The following BRCC3 variants were observed in gnomAD, a reference collection of about 807,000 sequenced individuals.
The protein encoded by BRCC3 is lys-63-specific deubiquitinase BRCC36.
Under a neutral mutation model 28.0 loss-of-function variants are expected in BRCC3, and 15 were observed. The ratio of observed to expected loss-of-function variants is 0.54; its 90% CI spans 0.36 to 0.82. The LOEUF (loss-of-function observed/expected upper bound fraction) is 0.82, where lower values mean the gene tolerates loss of function less well. BRCC3 is among the 40% of genes least tolerant of loss of function. The pLI, the probability that BRCC3 is intolerant of heterozygous loss-of-function variation, is 0.01. For synonymous variants in BRCC3, 66 were observed against 80.3 expected (o/e 0.82, Z 0.95); for missense variants, 109 against 225.9 (o/e 0.48, Z 3.32).
intron 5 of BRCC3, among the ~76,000 whole-genome samples, chrX:155,087,493 G>C (rs782456311): frequency 8.9e-5 from 10 of 112,202 alleles, no homozygotes; most frequent in African/African-American, 3.2e-4. Flanking sequence ...CGGCAACTTA[G>C]ATCTATGGTT....
intron 7 of BRCC3, among the ~76,000 whole-genome samples, chrX:155,105,791 C>T (rs1309841739): frequency 3.6e-5 from 4 of 111,843 alleles, no homozygotes; most frequent in African/African-American, 1.3e-4. Flanking sequence ...CTCTGCCTCC[C>T]GGGATCAAGC....
intron 7 of BRCC3, chrX:155,099,509 A>G (rs1696535181): frequency 2.0e-6 from 2 of 989,836 alleles, no homozygotes; most frequent in Admixed American, 3.1e-5. Flanking sequence ...TCAAGTGGCC[A>G]TACCTAAGCT....
intron 7 of BRCC3, among the ~76,000 whole-genome samples, chrX:155,091,711 G>A (rs1357553138): frequency 9.2e-6 from 1 of 108,811 alleles, no homozygotes; most frequent in Non-Finnish European, 1.9e-5. Context: ...AAATGTCAAA[G>A]AATTGGGAAA....
intron 1 of BRCC3, 56 bp from the exon 2 acceptor site, chrX:155,072,271 A>G: frequency 9.4e-7 from 1 of 1,060,779 alleles, no homozygotes; most frequent in Non-Finnish European, 1.3e-6. Context: ...CTGCATCCAT[A>G]TATGTCAAAC....
At chrX:155,113,933 C>A (rs2074338262) in intron 7 of BRCC3, among the ~76,000 whole-genome samples, 1 of 111,449 alleles carries the variant, frequency 9.0e-6, no homozygotes, top group Non-Finnish European at 1.9e-5. Flanking sequence ...ACCTCACACC[C>A]ATTATGACAG....
chrX:155,073,565 T>A, intron 3 of BRCC3, 134 bp downstream of exon 3: 1 of 765,286 alleles, frequency 1.3e-6, no homozygotes, highest in Non-Finnish European at 1.9e-6. Context: ...ATGAAGAATC[T>A]ACTCACTAGG....
chrX:155,075,331 A>G, intron 3 of BRCC3, among the ~76,000 whole-genome samples: 1 of 53,152 alleles, frequency 1.9e-5, no homozygotes, highest in East Asian at 4.5e-4. Flanking sequence ...AAATGTGGCC[A>G]CTCCCCTTGA....
At chrX:155,072,028 G>C (rs1438444663) in intron 1 of BRCC3, among the ~76,000 whole-genome samples, 1 of 112,100 alleles carries the variant, frequency 8.9e-6, no homozygotes, top group Non-Finnish European at 1.9e-5. Context: ...AGAGCCCCTT[G>C]CCTCGCCTCG....
At chrX:155,117,479 G>T (rs1449221000) in intron 9 of BRCC3, among the ~76,000 whole-genome samples, 1 of 111,605 alleles carries the variant, frequency 9.0e-6, no homozygotes, top group African/African-American at 3.3e-5. Flanking sequence ...AAAGTCACCA[G>T]TGAGGAAGAA....
chrX:155,114,273 C>T (rs1226167379), intron 7 of BRCC3, among the ~76,000 whole-genome samples: 1 of 111,224 alleles, frequency 9.0e-6, no homozygotes, highest in Non-Finnish European at 1.9e-5. Flanking sequence ...TACTATACAA[C>T]CTTAAAAATA....
At chrX:155,096,793 A>G (rs2074212662) in intron 7 of BRCC3, among the ~76,000 whole-genome samples, 1 of 112,426 alleles carries the variant, frequency 8.9e-6, no homozygotes, top group African/African-American at 3.2e-5. Context: ...GCAATATGGT[A>G]CTGGCATAAA....
intron 5 of BRCC3, among the ~76,000 whole-genome samples, chrX:155,082,237 C>T (rs782774986): frequency 3.6e-5 from 4 of 112,045 alleles, no homozygotes; most frequent in Non-Finnish European, 7.5e-5. Context: ...ATTATGTGCC[C>T]TACCGTAGCA....
intron 7 of BRCC3, among the ~76,000 whole-genome samples, chrX:155,107,287 A>G (rs1274388102): frequency 3.6e-5 from 4 of 111,064 alleles, no homozygotes; most frequent in African/African-American, 1.3e-4. Context: ...TGCTTTAAAT[A>G]TATCCCATAG....
At chrX:155,092,591 C>T (rs2074181879) in intron 7 of BRCC3, among the ~76,000 whole-genome samples, 1 of 110,691 alleles carries the variant, frequency 9.0e-6, no homozygotes, top group African/African-American at 3.3e-5. Context: ...GTGGCTTTTT[C>T]CCCTTATTTT....
intron 3 of BRCC3, among the ~76,000 whole-genome samples, 192 bp downstream of exon 3, chrX:155,073,623 T>C (rs2074006008): frequency 8.9e-6 from 1 of 111,843 alleles, no homozygotes; most frequent in Non-Finnish European, 1.9e-5. Context: ...CTCTACTTGA[T>C]CAAGATTAAT....
At chrX:155,074,951 T>C (rs1451749820) in intron 3 of BRCC3, among the ~76,000 whole-genome samples, 2 of 112,185 alleles carry the variant, frequency 1.8e-5, no homozygotes, top group Non-Finnish European at 3.8e-5. Flanking sequence ...AAAAGAAATA[T>C]CATGTGAGCC....
At chrX:155,106,429 C>A (rs782561349) in intron 7 of BRCC3, among the ~76,000 whole-genome samples, 1 of 112,041 alleles carries the variant, frequency 8.9e-6, no homozygotes, top group East Asian at 2.8e-4. Flanking sequence ...TCTGCAAATA[C>A]TTTTACTTAT....
intron 7 of BRCC3, among the ~76,000 whole-genome samples, chrX:155,107,656 C>A (rs782787266): frequency 4.5e-4 from 50 of 111,688 alleles, no homozygotes; most frequent in Non-Finnish European, 8.5e-4. Flanking sequence ...TTAATAAAAT[C>A]ATATACTTCC....
rs2074393510 is a variant in BRCC3 at position 155,122,448 on chromosome X, C to G, written c.*1244C>G. ...GGGAAAGAGTTTATGAATTTCTTAT[C>G]AAGTTAAACATAATTTTTTAATCAA... On this transcript the variant is annotated 3_prime_UTR_variant, in exon 11 of 11. Transcript: ENST00000330045. 8.9e-6 allele frequency: 1 copy of G among 112,082 alleles called. No individual in the cohort carries two copies. Among genetic ancestry groups the G allele is most frequent in the South Asian group, 3.7e-4 (1 of 2,726 alleles). The allele number at this position is 112,082 out of a possible 1,213,427, so 9.2% of individuals were successfully genotyped here.
Sources: gnomAD v4.1 joint callset for allele counts (sites outside exome capture counted in the v4.1 genomes callset) on GRCh38, gnomAD v4.1.1 for gene constraint, MANE v1.5 for transcripts, NCBI Gene and HGNC (gene_info 2026-07-23, HGNC 2026-07-21) for gene names.